COL4A6: variants seen among roughly 807,000 people sequenced by gnomAD.
COL4A6 encodes collagen type IV alpha 6 chain.
COL4A6 carries 59 observed loss-of-function variants against 126.7 expected under a neutral mutation model. The ratio of observed to expected loss-of-function variants is 0.47; its 90% CI spans 0.38 to 0.58. The LOEUF (loss-of-function observed/expected upper bound fraction) is 0.58, where lower values mean the gene tolerates loss of function less well. COL4A6 is among the 20% of genes least tolerant of loss of function. COL4A6 has a pLI of 0.00. For synonymous variants in COL4A6, 547 were observed against 496.6 expected, an observed-to-expected ratio of 1.10 and a Z score of -1.35; for missense variants, 1,285 against 1,337.3, an observed-to-expected ratio of 0.96 and a Z score of 0.61.
At chrX:108,230,832 A>G (rs1228082512) in intron 3 of COL4A6, among the ~76,000 whole-genome samples, 1 of 111,673 alleles carries the variant, frequency 9.0e-6, no homozygotes, top group Non-Finnish European at 1.9e-5. Context: ...AAACAAATGG[A>G]GATGAGTATC....
intron 2 of COL4A6, among the ~76,000 whole-genome samples, chrX:108,372,581 A>G (rs1040050052): frequency 8.9e-6 from 1 of 111,922 alleles, no homozygotes; most frequent in African/African-American, 3.2e-5. Context: ...ATGTTGAGGA[A>G]GTCTAAGAGT....
intron 3 of COL4A6, among the ~76,000 whole-genome samples, chrX:108,302,878 T>G (rs982674857): frequency 9.0e-6 from 1 of 111,266 alleles, no homozygotes; most frequent in South Asian, 3.8e-4. Context: ...CTTTAAACAC[T>G]TTATATAAAT....
chrX:108,291,271 C>T (rs1023107591), intron 3 of COL4A6, among the ~76,000 whole-genome samples: 1 of 112,425 alleles, frequency 8.9e-6, no homozygotes, highest in Non-Finnish European at 1.9e-5. Flanking sequence ...ATCCTCTCTG[C>T]TGGTGATAAG....
At chrX:108,203,193 T>G (rs1031023060) in intron 12 of COL4A6, among the ~76,000 whole-genome samples, 2 of 111,581 alleles carry the variant, frequency 1.8e-5, no homozygotes, top group Non-Finnish European at 3.8e-5. Flanking sequence ...GGGAGAAGGA[T>G]TATGGACCAT....
intron 12 of COL4A6, among the ~76,000 whole-genome samples, chrX:108,203,755 C>T (rs1462840626): frequency 1.8e-5 from 2 of 112,386 alleles, no homozygotes; most frequent in Non-Finnish European, 3.8e-5. Context: ...CATAAAAATA[C>T]AGATCGTAAA....
chrX:108,425,439 T>C (rs1197603000), intron 2 of COL4A6, among the ~76,000 whole-genome samples: 1 of 110,316 alleles, frequency 9.1e-6, no homozygotes, highest in East Asian at 2.8e-4. Flanking sequence ...GATTAAGACT[T>C]CTATAGCTCT....
At chrX:108,249,782 G>A (rs1375734971) in intron 3 of COL4A6, among the ~76,000 whole-genome samples, 2 of 111,076 alleles carry the variant, frequency 1.8e-5, no homozygotes, top group African/African-American at 3.3e-5. Flanking sequence ...ATGTCTGTCC[G>A]AGGTAAGAGT....
Position 108,160,714 on chromosome X carries a change from C to G in COL4A6, c.4334-60G>C, listed in dbSNP as rs1200042935. 7 of 975,213 alleles carry G rather than the reference C, an allele frequency of 7.2e-6. No homozygotes were observed. The East Asian group carries it at 2.2e-4, about 31-fold the overall frequency. The allele number at this position is 975,213 out of a possible 1,213,427, so 80.4% of individuals were successfully genotyped here. On this transcript the variant is annotated intron_variant, in intron 42 of 44. Coordinates refer to ENST00000334504, the MANE Select transcript of COL4A6 (RefSeq NM_033641.4). ...GCAGCTAATGACAACATCAGCTACTCACATTGTACCACACATTGTCCAAGG... is the reference window on the plus strand; with the variant it reads ...GCAGCTAATGACAACATCAGCTACTGACATTGTACCACACATTGTCCAAGG...
chrX:108,281,763 A>C (rs1395938919), intron 3 of COL4A6, among the ~76,000 whole-genome samples: 28 of 110,517 alleles, frequency 2.5e-4, no homozygotes, highest in African/African-American at 4.6e-4. Flanking sequence ...AGGCTACAGT[A>C]ACCAAAACAG....
At chrX:108,160,384 G>A (rs757680431) in intron 43 of COL4A6, 79 bp downstream of exon 43, 1 of 985,693 alleles carries the variant, frequency 1.0e-6, no homozygotes, top group African/African-American at 1.9e-5. Context: ...ACCTAGAAAG[G>A]GCTGGGAGAA....
At chrX:108,239,597 C>G (rs141218450) in intron 3 of COL4A6, among the ~76,000 whole-genome samples, 107 of 111,632 alleles carry the variant, frequency 9.6e-4, no homozygotes, top group African/African-American at 3.1e-3. Flanking sequence ...AACCTATAGT[C>G]CATTTATAGC....
rs1210939244 is a variant in COL4A6, at chrX:108,179,380, T to C, written c.2190A>G (p.Lys730=). The change falls in exon 26 of 45, where the codon AAA becomes AAG. Residue 730 remains lysine (K), a synonymous_variant. Transcript: ENST00000334504. ...GLPGFPGLPG[K]DGLPGMIGSP... ...TGCCAATCATCCCAGGCAAGCCATCTTTTCCAGGGAGCCCAGGAAACCCAG... is the reference window on the plus strand; with the variant it reads ...TGCCAATCATCCCAGGCAAGCCATCCTTTCCAGGGAGCCCAGGAAACCCAG... 3 of 1,210,388 alleles carry C rather than the reference T, an allele frequency of 2.5e-6. No homozygotes were observed. The South Asian group carries it at 5.3e-5, about 21-fold the overall frequency.
chrX:108,330,364 G>T, intron 2 of COL4A6, among the ~76,000 whole-genome samples: 1 of 111,522 alleles, frequency 9.0e-6, no homozygotes, highest in Admixed American at 9.6e-5. Flanking sequence ...GTCATGCACG[G>T]CTCTCCAAGT....
At chrX:108,313,039 A>C (rs958182868) in intron 2 of COL4A6, among the ~76,000 whole-genome samples, 1 of 112,750 alleles carries the variant, frequency 8.9e-6, no homozygotes, top group African/African-American at 3.2e-5. Context: ...ACAGGAAATC[A>C]TCACTGTCCT....
chrX:108,194,453 A>C (rs1311702374), intron 16 of COL4A6, 81 bp downstream of exon 16: 1 of 958,701 alleles, frequency 1.0e-6, no homozygotes, highest in Non-Finnish European at 1.4e-6. Context: ...AATATTAAAA[A>C]TACTTCATCT....
At chrX:108,410,945 G>A (rs907495559) in intron 2 of COL4A6, among the ~76,000 whole-genome samples, 6 of 112,023 alleles carry the variant, frequency 5.4e-5, no homozygotes, top group Admixed American at 4.7e-4. Context: ...AGCCTACCTA[G>A]GATAACAATC....
chrX:108,340,201 A>C (rs1342810908), intron 2 of COL4A6, among the ~76,000 whole-genome samples: 1 of 111,964 alleles, frequency 8.9e-6, no homozygotes, highest in African/African-American at 3.2e-5. Context: ...GTGATGATGG[A>C]AATGCTCTAT....
chrX:108,388,637 T>C (rs922561183), intron 2 of COL4A6, among the ~76,000 whole-genome samples: 1 of 111,669 alleles, frequency 9.0e-6, no homozygotes, highest in Non-Finnish European at 1.9e-5. Flanking sequence ...TATCAGTCTA[T>C]TTATTTTGTT....
intron 3 of COL4A6, among the ~76,000 whole-genome samples, chrX:108,229,037 G>A (rs896016361): frequency 1.8e-5 from 2 of 112,212 alleles, no homozygotes; most frequent in Non-Finnish European, 3.8e-5. Flanking sequence ...TTCTGTAAGC[G>A]AGGGCCAGTC....
Sources: allele counts gnomAD v4.1 joint callset (sites outside exome capture counted in the v4.1 genomes callset), GRCh38; gene constraint gnomAD v4.1.1; transcripts MANE v1.5; gene names NCBI Gene and HGNC (gene_info 2026-07-23, HGNC 2026-07-21).